Variants in RBAK observed in about 807,000 individuals in gnomAD.
RBAK encodes RB-associated KRAB zinc finger protein.
A neutral mutation model predicts 65.8 loss-of-function variants in RBAK; 39 were observed. That is an observed-to-expected ratio of 0.59 (90% CI 0.46 to 0.77). The LOEUF is 0.77. RBAK is among the 30% of genes least tolerant of loss of function. The pLI is 0.00. For synonymous variants in RBAK, 343 were observed against 289.7 expected (o/e 1.18, Z -1.87); for missense variants, 884 against 855.1 (o/e 1.03, Z -0.42).
chr7:5,045,932 A>C lies in RBAK; in HGVS notation c.-509A>C, dbSNP rs566558457. The C allele has an allele frequency of 6.8e-4, 231 of 341,800 alleles. 1 individual carries two copies. Among genetic ancestry groups the C allele is most frequent in the African/African-American group, 4.6e-3 (199 of 43,506 alleles). 21.2% of individuals were successfully genotyped at this position (341,800 alleles called of 1,614,324 possible). On this transcript the variant is annotated 5_prime_UTR_variant, in exon 1 of 5. Coordinates refer to ENST00000396912, the MANE Select transcript of RBAK (RefSeq NM_021163.4). ...CCCAGGCTTTGGCCTCCAGTGGACG[A>C]GAATCGCGGAGCCTGCGGGGCTGGA...
chr7:5,063,268 C>T (rs890076061), intron 4 of RBAK, among the ~76,000 whole-genome samples: 1 of 152,160 alleles, frequency 6.6e-6, no homozygotes, highest in African/African-American at 2.4e-5. Context: ...GTTTGGGGTC[C>T]CTGACTTCCC....
rs191285947 is a variant in RBAK at position 5,067,799 on chromosome 7, T to A, written c.*2198T>A. 2 of 152,358 alleles carry A rather than the reference T, an allele frequency of 1.3e-5. No individual in the cohort carries two copies. Among genetic ancestry groups the A allele is most frequent in the Admixed American group, 1.3e-4 (2 of 15,310 alleles). 9.4% of individuals were successfully genotyped at this position (152,358 alleles called of 1,614,324 possible). On this transcript the variant is annotated 3_prime_UTR_variant, in exon 5 of 5. Transcript: ENST00000396912. ...CACGTGTATACCATCACCTGAGTTT[T>A]GAGAAAGGTGACATTGAAGTGTAGT...
Position 5,064,396 on chromosome 7 carries a change from G to T in RBAK, c.940G>T (p.Glu314Ter), listed in dbSNP as rs748621341. 6.2e-7 allele frequency: 1 copy of T among 1,613,994 alleles called. No individual in the cohort carries two copies. The highest frequency in any genetic ancestry group is 8.5e-7 in the Non-Finnish European group (1 of 1,179,974). The change falls in exon 5 of 5, where the codon GAG (glutamate) becomes TAG (stop). Residue 314 changes from glutamate (E) to a stop codon, truncating the protein, a stop_gained. Coordinates refer to ENST00000396912, the MANE Select transcript of RBAK (RefSeq NM_021163.4). LOFTEE classifies it high-confidence loss of function. This position sits in a 1 kb window ranked among gnomAD's most constrained non-coding sequence, Gnocchi z 6.3. ...LTVHRRSHLE[E>*]KPYKCNECGK... ...TGTACATCGGAGATCACACTTAGAG[G>T]AGAAGCCCTATAAATGTAATGAATG... is the stretch of plus-strand genomic sequence containing the variant.
At chr7:5,058,062 G>GGTTTGTTT (rs71535174) in intron 4 of RBAK, among the ~76,000 whole-genome samples, 9 of 150,502 alleles carry the variant, frequency 6.0e-5, no homozygotes, top group Non-Finnish European at 7.4e-5. Flanking sequence ...AATTGTTTTG[G>GGTTTGTTT]GTTTGTTTGT....
intron 1 of RBAK, among the ~76,000 whole-genome samples, chr7:5,047,675 C>A (rs191529104): frequency 7.1e-6 from 1 of 141,380 alleles, no homozygotes; most frequent in Non-Finnish European, 1.5e-5. Context: ...GTGGTCTCGG[C>A]TCACTGCAAC....
intron 4 of RBAK, among the ~76,000 whole-genome samples, chr7:5,062,452 C>T (rs1779100902): frequency 6.6e-6 from 1 of 152,068 alleles, no homozygotes; most frequent in South Asian, 2.1e-4. Flanking sequence ...AGGTGTGGGT[C>T]ACAGAGATCA....
chr7:5,046,429 A>G (rs773120140), intron 1 of RBAK, 33 bp downstream of exon 1: 7 of 509,492 alleles, frequency 1.4e-5, no homozygotes, highest in East Asian at 1.1e-4. Context: ...CGGAGCGAGA[A>G]GGGCCTGAGT....
At chr7:5,046,501 A>G in intron 1 of RBAK, 105 bp downstream of exon 1, 6 of 389,226 alleles carry the variant, frequency 1.5e-5, no homozygotes, top group South Asian at 5.8e-5. Flanking sequence ...GATCGCTTGC[A>G]GGAGAGACGT....
chr7:5,046,280 G>A lies in RBAK; in HGVS notation c.-161G>A, dbSNP rs1255739539. The stretch of plus-strand genomic sequence containing the variant: ...GCCCGGCCCGGGCCCCTCGGGAGCA[G>A]AACAACCTTAGTGAGGTGGACAGGA... On this transcript the variant is annotated 5_prime_UTR_variant, in exon 1 of 5. Coordinates refer to ENST00000396912, the MANE Select transcript of RBAK (RefSeq NM_021163.4). 1 of 516,404 alleles carries A rather than the reference G, an allele frequency of 1.9e-6. No individual in the cohort carries two copies. Among genetic ancestry groups the A allele is most frequent in the African/African-American group, 1.9e-5 (1 of 51,892 alleles). 32.0% of individuals were successfully genotyped at this position (516,404 alleles called of 1,614,324 possible).
In RBAK at chr7:5,055,110, C is replaced by T. The variant is rs537665473; in HGVS notation, c.16-2185C>T. Among the ~76,000 whole-genome samples, 36 of 152,184 alleles carry T rather than the reference C, an allele frequency of 2.4e-4. No homozygotes were observed. The South Asian group carries it at 7.5e-3, about 32-fold the overall frequency. ...TTTACTTTTTCTTAGTTATATTCCT[C>T]TAATTGTTTTATCTTCTCTAATTGT... On this transcript the variant is annotated intron_variant, in intron 2 of 4. Coordinates refer to ENST00000396912, the MANE Select transcript of RBAK (RefSeq NM_021163.4).
chr7:5,058,330 C>T (rs1464252795), intron 4 of RBAK, among the ~76,000 whole-genome samples: 1 of 152,188 alleles, frequency 6.6e-6, no homozygotes, highest in Non-Finnish European at 1.5e-5. Flanking sequence ...CCACCTCAGC[C>T]TCCCAAAGTG....
At chr7:5,051,543 A>C (rs1181116848) in intron 2 of RBAK, among the ~76,000 whole-genome samples, 7 of 152,164 alleles carry the variant, frequency 4.6e-5, no homozygotes, top group African/African-American at 1.7e-4. Context: ...AGTTTTGCCA[A>C]TTTCCCAATA....
chr7:5,060,215 G>C (rs959564285), intron 4 of RBAK, among the ~76,000 whole-genome samples: 1 of 152,106 alleles, frequency 6.6e-6, no homozygotes. Flanking sequence ...GCATTCAGTA[G>C]GTTTTTATTG....
At chr7:5,054,395 G>T (rs892845953) in intron 2 of RBAK, among the ~76,000 whole-genome samples, 1 of 140,176 alleles carries the variant, frequency 7.1e-6, no homozygotes, top group African/African-American at 2.8e-5. Flanking sequence ...ACAAGAGTGA[G>T]ACTTTGCCTC....
intron 2 of RBAK, among the ~76,000 whole-genome samples, chr7:5,056,104 CTTTTTTTTTTTTT>C (rs887932671): frequency 5.6e-5 from 6 of 107,920 alleles, no homozygotes; most frequent in Admixed American, 1.9e-4. Flanking sequence ...TTGCATTTTT[CTTTTTTTTTTTTT>C]TTTTTTTTGA....
chr7:5,049,017 T>C (rs1788056468), intron 2 of RBAK, among the ~76,000 whole-genome samples: 1 of 152,204 alleles, frequency 6.6e-6, no homozygotes, highest in Non-Finnish European at 1.5e-5. Context: ...ACATGAGATT[T>C]GGTTGGCGAC....
Position 5,063,677 on chromosome 7 carries a change from A to G in RBAK, c.239-18A>G. ...GTGTTCAGATTTACAAAGTTTGTTTACTATTTTTCCTTTTTAGAAGCCTGG... is the reference window on the plus strand; with the variant it reads ...GTGTTCAGATTTACAAAGTTTGTTTGCTATTTTTCCTTTTTAGAAGCCTGG... On this transcript the variant is annotated intron_variant, in intron 4 of 4. Coordinates refer to ENST00000396912, the MANE Select transcript of RBAK (RefSeq NM_021163.4). The G allele has an allele frequency of 6.5e-7, 1 of 1,544,594 alleles. No homozygotes were observed. Among genetic ancestry groups the G allele is most frequent in the South Asian group, 1.2e-5 (1 of 80,594 alleles).
chr7:5,056,375 C>A (rs1188607799), intron 2 of RBAK, among the ~76,000 whole-genome samples: 2 of 151,984 alleles, frequency 1.3e-5, no homozygotes, highest in African/African-American at 4.8e-5. Context: ...ATCTTGGCCT[C>A]CCAAAGTGCT....
At position 5,067,596 on chromosome 7, in the gene RBAK, C is replaced by T. The variant is rs1283645299; in HGVS notation, c.*1995C>T. ...AAATTAACAAGCTAATTCTAGAATT[C>T]ATATGCATATTCAAAAGTCGAATAA... On this transcript the variant is annotated 3_prime_UTR_variant, in exon 5 of 5. Coordinates refer to ENST00000396912, the MANE Select transcript of RBAK (RefSeq NM_021163.4). 1 of 152,186 alleles carries T rather than the reference C, an allele frequency of 6.6e-6. No homozygotes were observed. Among genetic ancestry groups the T allele is most frequent in the African/African-American group, 2.4e-5 (1 of 41,446 alleles). 9.4% of individuals were successfully genotyped at this position (152,186 alleles called of 1,614,324 possible). A position where few individuals can be genotyped will look rare whatever the true frequency, so the allele number is the denominator to read the frequency against.
Sources: gnomAD v4.1 joint callset for allele counts (sites outside exome capture counted in the v4.1 genomes callset) on GRCh38, gnomAD v4.1.1 for gene constraint, Gnocchi (gnomAD v3.1) non-coding constraint, MANE v1.5 for transcripts, NCBI Gene and HGNC (gene_info 2026-07-23, HGNC 2026-07-21) for gene names.